Variants in SLC49A3 observed in about 807,000 individuals in gnomAD.
SLC49A3 encodes the protein solute carrier family 49 member 3, also known as solute carrier family 49 member A3.
Under a neutral mutation model 43.8 loss-of-function variants are expected in SLC49A3, and 50 were observed. The ratio of observed to expected loss-of-function variants is 1.14; its 90% CI spans 0.91 to 1.45. The LOEUF (loss-of-function observed/expected upper bound fraction) is 1.45, where lower values mean the gene tolerates loss of function less well. SLC49A3 is among the 40% of genes most tolerant of loss of function. The pLI is 0.00. For missense variants in SLC49A3, 906 were observed against 774.1 expected (o/e 1.17, Z -2.02); for synonymous variants, 413 against 352.0 (o/e 1.17, Z -1.94).
rs562155461 is a variant in SLC49A3, at chr4:685,352, G to A, written c.585+483C>T. The stretch of plus-strand genomic sequence containing the variant: ...CACAATACACATGGGCACAGGAACA[G>A]AGACACGCACCGCACACACCACACA... On this transcript the variant is annotated intron_variant, in intron 4 of 9. Coordinates refer to ENST00000322224, the MANE Select transcript of SLC49A3 (RefSeq NM_032219.4). This position sits in a 1 kb window ranked among gnomAD's most constrained non-coding sequence, Gnocchi z 4.3. Among the ~76,000 whole-genome samples the A allele has an allele frequency of 4.6e-5, 7 of 151,616 alleles. No individual in the cohort carries two copies. The East Asian group carries it at 1.2e-3, about 25-fold the overall frequency.
upstream of SLC49A3, among the ~76,000 whole-genome samples, chr4:689,648 G>A (rs921187957): frequency 1.3e-5 from 2 of 152,290 alleles, no homozygotes; most frequent in Non-Finnish European, 2.9e-5. Context: ...CATGGGGTAG[G>A]AGGGCGAGGG....
At chr4:688,468 G>A (rs1741477933) in intron 1 of SLC49A3, among the ~76,000 whole-genome samples, 1 of 152,232 alleles carries the variant, frequency 6.6e-6, no homozygotes, top group Admixed American at 6.5e-5. Context: ...TGCCTGACCA[G>A]TTCCTGAGGC....
rs1739791235 is a variant in SLC49A3, at chr4:682,015, C to T, written c.1623G>A (p.Arg541=). 1 of 1,427,708 alleles carries T rather than the reference C, an allele frequency of 7.0e-7. No individual in the cohort carries two copies. Among genetic ancestry groups the T allele is most frequent in the South Asian group, 1.5e-5 (1 of 67,408 alleles). The allele number at this position is 1,427,708 out of a possible 1,614,324, so 88.4% of individuals were successfully genotyped here. A position where few individuals can be genotyped will look rare whatever the true frequency, so the allele number is the denominator to read the frequency against. The stretch of plus-strand genomic sequence containing the variant: ...AGTGAGACCCAGCCGGGTCAATAAA[C>T]CTGGACGCTTGGACCCTGCCTGCGA... ...GRLAGRVQAS[R]FIDPAGSHSS... is the part of the protein sequence containing the mutation. The change falls in exon 10 of 10, where the codon AGG becomes AGA. Residue 541 remains arginine (R), a synonymous_variant. Coordinates refer to ENST00000322224, the MANE Select transcript of SLC49A3 (RefSeq NM_032219.4).
chr4:678,694 C>A (rs1449694123), downstream of SLC49A3: 3 of 1,611,434 alleles, frequency 1.9e-6, no homozygotes, highest in Non-Finnish European at 2.5e-6. Context: ...AGGGGGTGCC[C>A]TCCGGGCCCA....
chr4:691,534 G>T (rs1274760830), upstream of SLC49A3, among the ~76,000 whole-genome samples: 1 of 151,716 alleles, frequency 6.6e-6, no homozygotes, highest in Non-Finnish European at 1.5e-5. Context: ...GGCAGAGGTT[G>T]CAGTGAGCTA....
At chr4:687,435 C>G (rs1741275060) in intron 1 of SLC49A3, 1 of 152,310 alleles carries the variant, frequency 6.6e-6, no homozygotes, top group Non-Finnish European at 1.5e-5. Flanking sequence ...GGACAGGGAG[C>G]TTGGGCAACA....
At position 682,306 on chromosome 4, in the gene SLC49A3, T is replaced by TG. The variant is rs1739901843; in HGVS notation, c.1331dup (p.Tyr445IlefsTer16). 2 of 1,354,612 alleles carry TG rather than the reference T, an allele frequency of 1.5e-6. No homozygotes were observed. The highest frequency in any genetic ancestry group is 1.9e-6 in the Non-Finnish European group (2 of 1,043,732). The allele number at this position is 1,354,612 out of a possible 1,614,324, so 83.9% of individuals were successfully genotyped here. A position where few individuals can be genotyped will look rare whatever the true frequency, so the allele number is the denominator to read the frequency against. The stretch of plus-strand genomic sequence containing the variant: ...CAGACTCGGCCTGCAGGCGCCGGTA[T>TG]GGGGTGTGGAAGAAGACCGCCAGGA... On this transcript the variant is annotated frameshift_variant, in exon 10 of 10. Coordinates refer to ENST00000322224, the MANE Select transcript of SLC49A3 (RefSeq NM_032219.4). LOFTEE classifies it low-confidence loss of function (END_TRUNC).
Position 689,047 on chromosome 4 carries a change from C to T in SLC49A3, c.81G>A (p.Ala27=). 6.3e-7 allele frequency: 1 copy of T among 1,586,412 alleles called. No homozygotes were observed. The highest frequency in any genetic ancestry group is 8.5e-7 in the Non-Finnish European group (1 of 1,169,744). The stretch of plus-strand genomic sequence containing the variant: ...TCGCGAGCAGGAACACCCAGCGGCG[C>T]GCGTAGGTGCGGTGGCCCCGCTGCG... The part of the protein sequence containing the change: ...LCAQRGHRTY[A]RRWVFLLAIS... The change falls in exon 1 of 10, where the codon GCG becomes GCA. Residue 27 remains alanine (A), a synonymous_variant. Coordinates refer to ENST00000322224, the MANE Select transcript of SLC49A3 (RefSeq NM_032219.4).
chr4:678,068 G>T (rs1367301617), downstream of SLC49A3: 2 of 1,611,174 alleles, frequency 1.2e-6, no homozygotes, highest in African/African-American at 2.7e-5. Context: ...CAGGCGTGTG[G>T]GTGTGAGCTG....
rs772508762 is a variant in SLC49A3 at position 682,145 on chromosome 4, AGC to A, written c.1491_1492del (p.Leu498ArgfsTer46). 7.4e-7 allele frequency: 1 copy of A among 1,342,390 alleles called. No individual in the cohort carries two copies. The highest frequency in any genetic ancestry group is 3.0e-5 in the East Asian group (1 of 33,688). 83.2% of individuals were successfully genotyped at this position (1,342,390 alleles called of 1,614,324 possible). On this transcript the variant is annotated frameshift_variant, in exon 10 of 10. Coordinates refer to ENST00000322224, the MANE Select transcript of SLC49A3 (RefSeq NM_032219.4). LOFTEE classifies it low-confidence loss of function (END_TRUNC). ...GCTCCCGGGCCCTCTGGGGTCCTCTAGCGAGGCCCCCCTCGCCGTGCACTCCG... is the reference window on the plus strand; with the variant it reads ...GCTCCCGGGCCCTCTGGGGTCCTCTAGAGGCCCCCCTCGCCGTGCACTCCG...
Position 684,557 on chromosome 4 carries a change from C to T in SLC49A3, c.766G>A (p.Gly256Arg), listed in dbSNP as rs775241179. 1 of 1,613,262 alleles carries T rather than the reference C, an allele frequency of 6.2e-7. No homozygotes were observed. The highest frequency in any genetic ancestry group is 1.7e-5 in the Admixed American group (1 of 60,014). ...CTGGCAGAGATCCCGATCATTCCCC[C>T]CAAGCACACAGCCAGGATGACATAG... is the stretch of plus-strand genomic sequence containing the variant. The part of the protein sequence containing the change: ...KAYVILAVCL[G>R]GMIGISASFS... The change falls in exon 6 of 10, where the codon GGG becomes AGG. Residue 256 changes from glycine (G) to arginine (R), a missense_variant. Transcript: ENST00000322224.
In SLC49A3 at chr4:683,384, G is replaced by T. The variant is rs757119601; in HGVS notation, c.994-17C>A. ...CTGGGACACCTGGGAGCAGCGGAACGGCAGGCAGACAGGTGGAGGGGGTGG... is the reference window on the plus strand; with the variant it reads ...CTGGGACACCTGGGAGCAGCGGAACTGCAGGCAGACAGGTGGAGGGGGTGG... On this transcript the variant is annotated splice_polypyrimidine_tract_variant and intron_variant, in intron 7 of 9. Transcript: ENST00000322224. The T allele has an allele frequency of 3.1e-6, 5 of 1,603,468 alleles. No homozygotes were observed. The South Asian group carries it at 3.3e-5, about 11-fold the overall frequency.
intron 9 of SLC49A3, among the ~76,000 whole-genome samples, 189 bp from the exon 10 acceptor site, chr4:682,565 C>A (rs1011169093): frequency 6.6e-6 from 1 of 152,176 alleles, no homozygotes; most frequent in East Asian, 1.9e-4. Context: ...AGGTCACTAG[C>A]ATGGGGTCTG....
intron 7 of SLC49A3, 46 bp downstream of exon 7, chr4:683,563 A>G: frequency 8.9e-7 from 1 of 1,123,074 alleles, no homozygotes; most frequent in Non-Finnish European, 1.3e-6. Flanking sequence ...GGGCCTCACC[A>G]CCCACCCACC....
At chr4:680,931 G>A (rs939536473), downstream of SLC49A3, 7 of 787,028 alleles carry the variant, frequency 8.9e-6, no homozygotes, top group South Asian at 1.6e-5. Context: ...TGGCCCCTGA[G>A]TGTGTGTTGG....
In SLC49A3 at chr4:684,794, C is replaced by G. The variant is rs1383460517; in HGVS notation, c.648G>C (p.Glu216Asp). The G allele has an allele frequency of 1.2e-6, 2 of 1,612,432 alleles. No homozygotes were observed. Among genetic ancestry groups the G allele is most frequent in the Non-Finnish European group, 1.7e-6 (2 of 1,179,900 alleles). ...VCLLSTICLW[E>D]SVPPTPPSAG... ...CAGAGGGCGGGGTGGGGGGCACACT[C>G]TCCCACAGGCAGATGGTGGACAGCA... Residue 216 changes from glutamate (E) to aspartate (D), a missense_variant, in exon 5 of 10, where the codon GAG (glutamate) becomes GAC (aspartate). Physicochemically the swap from Glu to Asp is conservative, Grantham distance 45. Coordinates refer to ENST00000322224, the MANE Select transcript of SLC49A3 (RefSeq NM_032219.4).
At chr4:687,702 C>G (rs954128016) in intron 1 of SLC49A3, among the ~76,000 whole-genome samples, 1 of 152,208 alleles carries the variant, frequency 6.6e-6, no homozygotes, top group African/African-American at 2.4e-5. Flanking sequence ...CCTCATCTCC[C>G]AGCCTCGACC....
chr4:688,751 A>G, intron 1 of SLC49A3: 1 of 489,376 alleles, frequency 2.0e-6, no homozygotes, highest in Non-Finnish European at 3.4e-6. Flanking sequence ...AAGGCTGGGA[A>G]GGGCTGGGAC....
intron 9 of SLC49A3, 92 bp downstream of exon 9, chr4:682,689 C>T (rs1173717760): frequency 1.5e-5 from 16 of 1,067,722 alleles, no homozygotes; most frequent in Non-Finnish European, 1.9e-5. Flanking sequence ...GTTTAGGGCT[C>T]CCCACGTAGG....
Sources: allele counts gnomAD v4.1 joint callset (sites outside exome capture counted in the v4.1 genomes callset), GRCh38; gene constraint gnomAD v4.1.1; non-coding constraint Gnocchi (gnomAD v3.1); transcripts MANE v1.5; gene names NCBI Gene and HGNC (gene_info 2026-07-23, HGNC 2026-07-21).